The following MYO1D variants were observed in gnomAD, a reference collection of about 807,000 sequenced individuals.
The protein encoded by MYO1D is myosin ID, also known as unconventional myosin-Id.
Under a neutral mutation model 122.0 loss-of-function variants are expected in MYO1D, and 83 were observed. That is an observed-to-expected ratio of 0.68 (90% CI 0.57 to 0.82). The LOEUF (loss-of-function observed/expected upper bound fraction) is 0.82. MYO1D is among the 40% of genes least tolerant of loss of function. The probability of loss-of-function intolerance (pLI) is 0.00; values close to 1 mark genes in which losing one functional copy is unlikely to be tolerated. For synonymous variants in MYO1D, 464 were observed against 446.9 expected (o/e 1.04, Z -0.48); for missense variants, 1,157 against 1,269.5 (o/e 0.91, Z 1.35).
intron 1 of MYO1D, among the ~76,000 whole-genome samples, chr17:32,863,254 A>G (rs1033447456): frequency 4.6e-5 from 7 of 152,238 alleles, no homozygotes; most frequent in African/African-American, 1.7e-4. Flanking sequence ...GTTTTAGAGT[A>G]GCACCTTACC....
intron 14 of MYO1D, among the ~76,000 whole-genome samples, chr17:32,730,559 T>C (rs1012474012): frequency 8.5e-5 from 13 of 152,218 alleles, no homozygotes; most frequent in South Asian, 2.1e-4. Context: ...AGATTCTTTA[T>C]TGTGCCTTTG....
At chr17:32,839,548 C>G (rs757951938) in intron 1 of MYO1D, among the ~76,000 whole-genome samples, 3 of 152,142 alleles carry the variant, frequency 2.0e-5, no homozygotes, top group Non-Finnish European at 4.4e-5. Flanking sequence ...CCTGGAAACA[C>G]TGTGAGCTGG....
intron 2 of MYO1D, 70 bp downstream of exon 2, chr17:32,780,506 T>G: frequency 6.7e-7 from 1 of 1,485,424 alleles, no homozygotes; most frequent in South Asian, 1.1e-5. Flanking sequence ...ATCAATTGTT[T>G]GGATTCTTGA....
chr17:32,852,605 T>C (rs1050458619), intron 1 of MYO1D, among the ~76,000 whole-genome samples: 2 of 152,130 alleles, frequency 1.3e-5, no homozygotes, highest in Non-Finnish European at 2.9e-5. Flanking sequence ...GGGTGCAAAA[T>C]TGTCTGTAGA....
Position 32,810,556 on chromosome 17 carries a change from C to T in MYO1D, c.96-29772G>A, listed in dbSNP as rs1400934496. Among the ~76,000 whole-genome samples, 4 of 151,952 alleles carry T rather than the reference C, an allele frequency of 2.6e-5. No homozygotes were observed. In the East Asian group the frequency reaches 5.8e-4, roughly 22 times the overall value. On this transcript the variant is annotated intron_variant, in intron 1 of 21. Transcript: ENST00000318217. ...GCAATGGCGTGATCCTGGCTCACCG[C>T]AATCTCTGCCTCCTGGGTTCAAGGA... is the stretch of plus-strand genomic sequence containing the variant.
At chr17:32,822,556 CG>C (rs2090679521) in intron 1 of MYO1D, among the ~76,000 whole-genome samples, 1 of 122,432 alleles carries the variant, frequency 8.2e-6, no homozygotes, top group Non-Finnish European at 1.9e-5. Flanking sequence ...CGGCTCGGGA[CG>C]GGGCCCGGGG....
chr17:32,757,591 C>A (rs2089960923), intron 10 of MYO1D, among the ~76,000 whole-genome samples: 1 of 152,062 alleles, frequency 6.6e-6, no homozygotes. Flanking sequence ...TAAAAATACT[C>A]AAAAAGCAGG....
chr17:32,530,782 C>A (rs935873909), intron 21 of MYO1D, among the ~76,000 whole-genome samples: 2 of 152,038 alleles, frequency 1.3e-5, no homozygotes, highest in African/African-American at 4.8e-5. Flanking sequence ...GCCTGGGCAA[C>A]AGAGTGAGAC....
At chr17:32,789,436 C>T (rs1414576865) in intron 1 of MYO1D, among the ~76,000 whole-genome samples, 1 of 152,108 alleles carries the variant, frequency 6.6e-6, no homozygotes, top group Non-Finnish European at 1.5e-5. Flanking sequence ...ATAATGGTGA[C>T]ATTTCAAAAC....
At chr17:32,668,000 T>C (rs985260564) in intron 16 of MYO1D, among the ~76,000 whole-genome samples, 1 of 152,110 alleles carries the variant, frequency 6.6e-6, no homozygotes, top group South Asian at 2.1e-4. Flanking sequence ...TGCAGACAAA[T>C]GAAAATAAAA....
At chr17:32,718,450 C>A (rs2089471768) in intron 15 of MYO1D, among the ~76,000 whole-genome samples, 1 of 152,128 alleles carries the variant, frequency 6.6e-6, no homozygotes, top group Non-Finnish European at 1.5e-5. Flanking sequence ...ATAATCCCAG[C>A]ACTTTGGGAG....
At chr17:32,666,512 A>AT (rs2088637385) in intron 16 of MYO1D, among the ~76,000 whole-genome samples, 2 of 152,160 alleles carry the variant, frequency 1.3e-5, no homozygotes, top group East Asian at 3.9e-4. Flanking sequence ...TAATTCTACC[A>AT]TTTTTTCTTC....
At chr17:32,795,208 C>T (rs1336939379) in intron 1 of MYO1D, among the ~76,000 whole-genome samples, 4 of 152,128 alleles carry the variant, frequency 2.6e-5, no homozygotes, top group Non-Finnish European at 1.5e-5. Context: ...ACACTTCTTT[C>T]TCTCATAGAA....
chr17:32,794,513 A>G (rs1187165660), intron 1 of MYO1D, among the ~76,000 whole-genome samples: 2 of 151,980 alleles, frequency 1.3e-5, no homozygotes, highest in Non-Finnish European at 2.9e-5. Flanking sequence ...TTGTTTATTC[A>G]ATCAATCATT....
At chr17:32,638,421 T>C (rs2088137464) in intron 20 of MYO1D, among the ~76,000 whole-genome samples, 1 of 152,044 alleles carries the variant, frequency 6.6e-6, no homozygotes, top group Non-Finnish European at 1.5e-5. Context: ...ACAAACCTTA[T>C]GAAAACAAAT....
intron 1 of MYO1D, among the ~76,000 whole-genome samples, chr17:32,786,146 TA>T (rs1208642829): frequency 1.3e-5 from 2 of 152,168 alleles, no homozygotes; most frequent in East Asian, 3.8e-4. Context: ...AAAGTCTTGC[TA>T]AGAATGTCAG....
intron 15 of MYO1D, among the ~76,000 whole-genome samples, chr17:32,714,653 C>T (rs1036691214): frequency 1.3e-5 from 2 of 152,194 alleles, no homozygotes; most frequent in Middle Eastern, 3.4e-3. Flanking sequence ...CTTTCTTATA[C>T]CTTATACAAA....
intron 21 of MYO1D, among the ~76,000 whole-genome samples, chr17:32,590,126 A>G (rs1314388812): frequency 2.6e-5 from 4 of 152,284 alleles, no homozygotes; most frequent in African/African-American, 4.8e-5. Flanking sequence ...CCCATTACTT[A>G]TATGATAAAG....
At chr17:32,632,740 T>A (rs1348455259) in intron 20 of MYO1D, among the ~76,000 whole-genome samples, 1 of 152,026 alleles carries the variant, frequency 6.6e-6, no homozygotes, top group African/African-American at 2.4e-5. Flanking sequence ...GACAGTGTTA[T>A]GTTGGGAGGA....
Sources: allele counts gnomAD v4.1 joint callset (sites outside exome capture counted in the v4.1 genomes callset), GRCh38; gene constraint gnomAD v4.1.1; transcripts MANE v1.5; gene names NCBI Gene and HGNC (gene_info 2026-07-23, HGNC 2026-07-21).